Variants in TBC1D16 observed in about 807,000 individuals in gnomAD.
The protein encoded by TBC1D16 is CTD-2529O21.1.
TBC1D16 carries 58 observed loss-of-function variants against 74.7 expected under a neutral mutation model. That is an observed-to-expected ratio of 0.78 (90% CI 0.63 to 0.97). The LOEUF is 0.97. TBC1D16 is among the 50% of genes least tolerant of loss of function. The pLI, the probability that TBC1D16 is intolerant of heterozygous loss-of-function variation, is 0.00. For synonymous variants in TBC1D16, 493 were observed against 474.7 expected, an observed-to-expected ratio of 1.04 and a Z score of -0.50; for missense variants, 1,014 against 1,079.5, an observed-to-expected ratio of 0.94 and a Z score of 0.85.
chr17:79,969,522 T>C (rs148923941), intron 3 of TBC1D16, among the ~76,000 whole-genome samples: 1 of 152,320 alleles, frequency 6.6e-6, no homozygotes, highest in East Asian at 1.9e-4. Flanking sequence ...GGAACCCTCA[T>C]TCCATGGTGA....
At chr17:79,955,093 A>G (rs2033274823) in intron 3 of TBC1D16, among the ~76,000 whole-genome samples, 1 of 152,200 alleles carries the variant, frequency 6.6e-6, no homozygotes. Context: ...TCCAGGCAGG[A>G]GTTGGCTTAA....
intron 3 of TBC1D16, among the ~76,000 whole-genome samples, chr17:79,958,629 G>A (rs575606954): frequency 1.3e-5 from 2 of 152,292 alleles, no homozygotes; most frequent in South Asian, 4.1e-4. Flanking sequence ...TAAGGACATA[G>A]CCAGAGGTGC....
At chr17:79,943,159 C>T (rs1384864062) in intron 10 of TBC1D16, among the ~76,000 whole-genome samples, 3 of 152,250 alleles carry the variant, frequency 2.0e-5, no homozygotes, top group Non-Finnish European at 2.9e-5. Flanking sequence ...ACTCCCACGC[C>T]CCAGCCTGCT....
In TBC1D16 at chr17:80,001,618, G is replaced by A. The variant is rs2035488040; in HGVS notation, c.779+8542C>T. Among the ~76,000 whole-genome samples the A allele has an allele frequency of 6.6e-6, 1 of 152,118 alleles. No individual in the cohort carries two copies. Among genetic ancestry groups the A allele is most frequent in the East Asian group, 1.9e-4 (1 of 5,170 alleles). ...ATCCTGAAATTTGGGAGGAATGGAGGATGCAGCCCTCCCAGCTCCTGGCCA... is the reference window on the plus strand; with the variant it reads ...ATCCTGAAATTTGGGAGGAATGGAGAATGCAGCCCTCCCAGCTCCTGGCCA... On this transcript the variant is annotated intron_variant, in intron 3 of 11. Transcript: ENST00000310924. The surrounding 1 kb of genome is among the most constrained non-coding windows in gnomAD (Gnocchi z 5.8).
chr17:79,976,291 GCAGCAAGGGAAAA>G (rs2034327933), intron 3 of TBC1D16, among the ~76,000 whole-genome samples: 1 of 152,154 alleles, frequency 6.6e-6, no homozygotes, highest in Admixed American at 6.5e-5. Context: ...TGTCTCTCTT[GCAGCAAGGGAAAA>G]TGGCTCTTTA....
At position 79,983,419 on chromosome 17, in the gene TBC1D16, T is replaced by C. The variant is rs894599171; in HGVS notation, c.779+26741A>G. On this transcript the variant is annotated intron_variant, in intron 3 of 11. Coordinates refer to ENST00000310924, the MANE Select transcript of TBC1D16 (RefSeq NM_019020.4). The surrounding 1 kb of genome is among the most constrained non-coding windows in gnomAD (Gnocchi z 5.6). ...CACAGAAGCTGTCAAGGTGACATCA[T>C]TCACAGAGAAAAACCCAAACTAAAC... Among the ~76,000 whole-genome samples, 8 of 152,134 alleles carry C rather than the reference T, an allele frequency of 5.3e-5. No homozygotes were observed. The highest frequency in any genetic ancestry group is 1.3e-4 in the Admixed American group (2 of 15,280).
intron 9 of TBC1D16, among the ~76,000 whole-genome samples, chr17:79,946,196 C>A (rs187230155): frequency 1.3e-5 from 2 of 152,352 alleles, no homozygotes; most frequent in African/African-American, 4.8e-5. Flanking sequence ...TCCTGGAAGA[C>A]AATTTTTCCA....
At position 79,944,783 on chromosome 17, in the gene TBC1D16, TG is replaced by T. The variant is rs1055156822; in HGVS notation, c.1908+124del. On this transcript the variant is annotated intron_variant, in intron 10 of 11. Coordinates refer to ENST00000310924, the MANE Select transcript of TBC1D16 (RefSeq NM_019020.4). This position sits in a 1 kb window ranked among gnomAD's most constrained non-coding sequence, Gnocchi z 7.7. ...GTGGGACGGGAAGGCAGTCGCCGTA[TG>T]GGGGGCTAATGTGTGGCTGTGGGTG... is the stretch of plus-strand genomic sequence containing the variant. 3 of 873,492 alleles carry T rather than the reference TG, an allele frequency of 3.4e-6. No homozygotes were observed. In the African/African-American group the frequency reaches 5.2e-5, roughly 15 times the overall value. 54.1% of individuals were successfully genotyped at this position (873,492 alleles called of 1,614,324 possible).
At chr17:79,965,406 C>A (rs1035389145) in intron 3 of TBC1D16, among the ~76,000 whole-genome samples, 2 of 151,702 alleles carry the variant, frequency 1.3e-5, no homozygotes. Flanking sequence ...AAAAAAGAAG[C>A]CTGTGTTTCT....
chr17:79,957,167 G>A (rs1397119697), intron 3 of TBC1D16, among the ~76,000 whole-genome samples: 1 of 152,144 alleles, frequency 6.6e-6, no homozygotes, highest in African/African-American at 2.4e-5. Context: ...GAGTGAGCAG[G>A]GCGTGTTCGG....
Position 79,988,878 on chromosome 17 carries a change from C to T in TBC1D16, c.779+21282G>A, listed in dbSNP as rs2034953545. Reference sequence around the variant, plus strand: ...GTCCCGTCTTCTGGGCTCTGCTGGGCTGGACGGTGCCACCCTCCCCAACCC... The same window carrying T: ...GTCCCGTCTTCTGGGCTCTGCTGGGTTGGACGGTGCCACCCTCCCCAACCC... On this transcript the variant is annotated intron_variant, in intron 3 of 11. Coordinates refer to ENST00000310924, the MANE Select transcript of TBC1D16 (RefSeq NM_019020.4). This position sits in a 1 kb window ranked among gnomAD's most constrained non-coding sequence, Gnocchi z 5.7. Among the ~76,000 whole-genome samples, 1 of 152,214 alleles carries T rather than the reference C, an allele frequency of 6.6e-6. No homozygotes were observed. The highest frequency in any genetic ancestry group is 1.5e-5 in the Non-Finnish European group (1 of 68,030).
rs2036271323 is a variant in TBC1D16 at position 80,021,240 on chromosome 17, A to C, written c.-62-7631T>G. Among the ~76,000 whole-genome samples the C allele has an allele frequency of 1.3e-5, 2 of 148,578 alleles. 1 individual carries two copies. The highest frequency in any genetic ancestry group is 1.3e-4 in the Admixed American group (2 of 15,184). On this transcript the variant is annotated intron_variant, in intron 1 of 11. Transcript: ENST00000310924. Reference sequence around the variant, plus strand: ...GCACTCCAGCCTGGAAACAAGAGTGAAACTCCATCTCAAAAAACAAAAACA... The same window carrying C: ...GCACTCCAGCCTGGAAACAAGAGTGCAACTCCATCTCAAAAAACAAAAACA...
intron 8 of TBC1D16, among the ~76,000 whole-genome samples, chr17:79,948,612 C>A (rs1204189713): frequency 6.6e-6 from 1 of 152,156 alleles, no homozygotes; most frequent in Non-Finnish European, 1.5e-5. Context: ...GTGAGCCAAG[C>A]AAGGACAGGC....
At chr17:79,997,268 C>T (rs1464348618) in intron 3 of TBC1D16, among the ~76,000 whole-genome samples, 1 of 152,066 alleles carries the variant, frequency 6.6e-6, no homozygotes, top group East Asian at 1.9e-4. Flanking sequence ...CCTCAATTTC[C>T]TGGTTTGGAG....
In TBC1D16 at chr17:79,971,642, A is replaced by G. The variant is rs2034108942; in HGVS notation, c.780-18824T>C. On this transcript the variant is annotated intron_variant, in intron 3 of 11. Transcript: ENST00000310924. This position sits in a 1 kb window ranked among gnomAD's most constrained non-coding sequence, Gnocchi z 4.6. Reference sequence around the variant, plus strand: ...AACGTATTCTTCAACTTGACTCATAAAAGTAGAGTCAATCACTCTTCTCTA... The same window carrying G: ...AACGTATTCTTCAACTTGACTCATAGAAGTAGAGTCAATCACTCTTCTCTA... Among the ~76,000 whole-genome samples the G allele has an allele frequency of 6.6e-6, 1 of 152,228 alleles. No individual in the cohort carries two copies. The highest frequency in any genetic ancestry group is 2.1e-4 in the South Asian group (1 of 4,832).
chr17:79,982,837 C>T (rs540348381), intron 3 of TBC1D16, among the ~76,000 whole-genome samples: 50 of 152,214 alleles, frequency 3.3e-4, no homozygotes, highest in South Asian at 1.0e-3. Context: ...CCAGCCTGGG[C>T]GACAGAGCAA....
rs1017302925 is a variant in TBC1D16 at position 79,981,265 on chromosome 17, G to C, written c.780-28447C>G. On this transcript the variant is annotated intron_variant, in intron 3 of 11. Coordinates refer to ENST00000310924, the MANE Select transcript of TBC1D16 (RefSeq NM_019020.4). This position sits in a 1 kb window ranked among gnomAD's most constrained non-coding sequence, Gnocchi z 6.9. Reference sequence around the variant, plus strand: ...AATGCACTGCTTGGCCCGGCTCAGAGGATTTGACGCAAACCAGGACTGGGG... The same window carrying C: ...AATGCACTGCTTGGCCCGGCTCAGACGATTTGACGCAAACCAGGACTGGGG... 6.6e-6 allele frequency among the ~76,000 whole-genome samples: 1 copy of C among 152,174 alleles called. No individual in the cohort carries two copies. Among genetic ancestry groups the C allele is most frequent in the Admixed American group, 6.5e-5 (1 of 15,286 alleles).
At position 79,950,454 on chromosome 17, in the gene TBC1D16, A is replaced by C; in HGVS notation, c.1214T>G (p.Leu405Arg). ...RLGVSAWLNH[L>R]NELGQVEEEY... ...CTCCTCCACCTGGCCCAGCTCATTC[A>C]GGTGGTTGAGCCAGGCGGAGACGCC... is the stretch of plus-strand genomic sequence containing the variant. The change falls in exon 6 of 12, where the codon CTG becomes CGG. Residue 405 changes from leucine (L) to arginine (R), a missense_variant. Transcript: ENST00000310924. The surrounding 1 kb of genome is among the most constrained non-coding windows in gnomAD (Gnocchi z 4.6). 1 of 1,612,568 alleles carries C rather than the reference A, an allele frequency of 6.2e-7. No individual in the cohort carries two copies. Among genetic ancestry groups the C allele is most frequent in the Non-Finnish European group, 8.5e-7 (1 of 1,179,796 alleles).
chr17:79,967,255 A>T (rs563270833), intron 3 of TBC1D16, among the ~76,000 whole-genome samples: 1 of 152,170 alleles, frequency 6.6e-6, no homozygotes, highest in African/African-American at 2.4e-5. Flanking sequence ...AAAAGATTTT[A>T]AAAATAAAAT....
Sources: gnomAD v4.1 joint callset for allele counts (sites outside exome capture counted in the v4.1 genomes callset) on GRCh38, gnomAD v4.1.1 for gene constraint, Gnocchi (gnomAD v3.1) non-coding constraint, MANE v1.5 for transcripts, NCBI Gene and HGNC (gene_info 2026-07-23, HGNC 2026-07-21) for gene names.